Variants in LMCD1 observed in about 807,000 individuals in gnomAD.
LMCD1 encodes the protein LIM and cysteine-rich domains protein 1.
LMCD1 carries 32 observed loss-of-function variants against 42.7 expected under a neutral mutation model. The ratio of observed to expected loss-of-function variants is 0.75; its 90% CI spans 0.57 to 1.01. The LOEUF is 1.01. Among genes scored for constraint, LMCD1 ranks in the 50% least tolerant of loss-of-function variants. The probability of loss-of-function intolerance (pLI) is 0.00; values close to 1 mark genes in which losing one functional copy is unlikely to be tolerated. For missense variants in LMCD1, 458 were observed against 483.1 expected (o/e 0.95, Z 0.49); for synonymous variants, 178 against 184.9 (o/e 0.96, Z 0.30).
intron 1 of LMCD1, among the ~76,000 whole-genome samples, chr3:8,502,337 T>TAA (rs1693758827): frequency 2.7e-3 from 75 of 27,916 alleles, no homozygotes; most frequent in African/African-American, 0.012. Flanking sequence ...ATAATATATA[T>TAA]TATATATAAA....
At chr3:8,558,315 T>C (rs1694964544) in intron 4 of LMCD1, among the ~76,000 whole-genome samples, 1 of 152,234 alleles carries the variant, frequency 6.6e-6, no homozygotes, top group Admixed American at 6.5e-5. Flanking sequence ...AAAATGTTCC[T>C]CAGCTTTCTT....
intron 1 of LMCD1, among the ~76,000 whole-genome samples, chr3:8,531,492 T>A (rs1327343126): frequency 6.6e-6 from 1 of 152,214 alleles, no homozygotes; most frequent in Admixed American, 6.5e-5. Context: ...CGTTACTATA[T>A]TATCTCGGTA....
At chr3:8,502,582 A>G (rs1167248628) in intron 1 of LMCD1, among the ~76,000 whole-genome samples, 1 of 53,868 alleles carries the variant, frequency 1.9e-5, no homozygotes, top group East Asian at 2.3e-4. Context: ...ACACACACAC[A>G]CACACACACA....
At chr3:8,566,365 G>T (rs957406096) in intron 5 of LMCD1, among the ~76,000 whole-genome samples, 2 of 152,066 alleles carry the variant, frequency 1.3e-5, no homozygotes, top group African/African-American at 4.8e-5. Context: ...CTTCATCTTT[G>T]GCATGTATGA....
intron 1 of LMCD1, among the ~76,000 whole-genome samples, chr3:8,528,912 A>T (rs1694352748): frequency 6.6e-6 from 1 of 152,144 alleles, no homozygotes; most frequent in South Asian, 2.1e-4. Flanking sequence ...CAGTTTCACG[A>T]TAATATCAAA....
intron 1 of LMCD1, among the ~76,000 whole-genome samples, chr3:8,525,631 A>G (rs568176234): frequency 2.6e-5 from 4 of 152,280 alleles, no homozygotes; most frequent in African/African-American, 9.6e-5. Flanking sequence ...TAATTTTTTG[A>G]GGAACCTCAT....
chr3:8,568,478 C>A lies in LMCD1; in HGVS notation c.*880C>A, dbSNP rs184454133. ...TGGGAAACCACTGAACAGGGGCCAC[C>A]TAAGCTCCACCAATGGGTGCCACAT... is the stretch of plus-strand genomic sequence containing the variant. On this transcript the variant is annotated 3_prime_UTR_variant, in exon 6 of 6. Coordinates refer to ENST00000157600, the MANE Select transcript of LMCD1 (RefSeq NM_014583.4). 3 of 152,212 alleles carry A rather than the reference C, an allele frequency of 2.0e-5. No individual in the cohort carries two copies. Among genetic ancestry groups the A allele is most frequent in the South Asian group, 2.1e-4 (1 of 4,828 alleles). 9.4% of individuals were successfully genotyped at this position (152,212 alleles called of 1,614,324 possible). A position where few individuals can be genotyped will look rare whatever the true frequency, so the allele number is the denominator to read the frequency against.
At chr3:8,535,114 C>T (rs1236887206) in intron 2 of LMCD1, among the ~76,000 whole-genome samples, 3 of 152,144 alleles carry the variant, frequency 2.0e-5, no homozygotes, top group African/African-American at 7.2e-5. Flanking sequence ...CCATGTCCCT[C>T]TATGCCAGGA....
At chr3:8,512,369 T>C (rs1043628940) in intron 1 of LMCD1, among the ~76,000 whole-genome samples, 4 of 152,234 alleles carry the variant, frequency 2.6e-5, no homozygotes, top group African/African-American at 7.2e-5. Flanking sequence ...GAAACACATA[T>C]GGCTTGGATA....
rs911775868 is a variant in LMCD1, at chr3:8,548,962, T to TCA, written c.723+60_723+61dup. ...ACCATGCAGGCCCAGGGCTGGACAG[T>TCA]CAGGGCCCCATCACGGGGCTTTGTT... On this transcript the variant is annotated intron_variant, in intron 4 of 5. Transcript: ENST00000157600. 120 of 1,296,184 alleles carry TCA rather than the reference T, an allele frequency of 9.3e-5. No homozygotes were observed. In the African/African-American group the frequency reaches 1.7e-3, roughly 18 times the overall value. The allele number at this position is 1,296,184 out of a possible 1,614,324, so 80.3% of individuals were successfully genotyped here.
Position 8,548,671 on chromosome 3 carries a change from A to G in LMCD1, c.491A>G (p.Tyr164Cys). The part of the protein sequence containing the change: ...RRQLMHQLPI[Y>C]DQDPSRCRGL... ...CAGCTCATGCACCAGCTCCCCATCT[A>G]TGACCAGGATCCCTCGCGCTGCCGT... Residue 164 changes from tyrosine (Y) to cysteine (C), a missense_variant, in exon 4 of 6, where the codon TAT becomes TGT. Tyr to Cys is a radical substitution (Grantham distance 194). Transcript: ENST00000157600. 6.2e-7 allele frequency: 1 copy of G among 1,614,180 alleles called. No individual in the cohort carries two copies. Among genetic ancestry groups the G allele is most frequent in the Non-Finnish European group, 8.5e-7 (1 of 1,180,026 alleles).
At chr3:8,548,194 G>A (rs1694773301) in intron 3 of LMCD1, among the ~76,000 whole-genome samples, 1 of 152,160 alleles carries the variant, frequency 6.6e-6, no homozygotes, top group Non-Finnish European at 1.5e-5. Context: ...ATGGCAAAGT[G>A]CGTGCATCTG....
intron 1 of LMCD1, among the ~76,000 whole-genome samples, chr3:8,513,805 TC>T (rs1423595917): frequency 1.3e-5 from 2 of 152,178 alleles, no homozygotes; most frequent in Admixed American, 6.5e-5. Context: ...GAGGCAGTAC[TC>T]AATAAATAAC....
chr3:8,550,827 C>A, intron 4 of LMCD1: 1 of 985,302 alleles, frequency 1.0e-6, no homozygotes, highest in South Asian at 4.7e-5. Context: ...AAGGAGACCT[C>A]TAAGTCACTG....
At chr3:8,553,088 A>T (rs904253731) in intron 4 of LMCD1, among the ~76,000 whole-genome samples, 2 of 152,116 alleles carry the variant, frequency 1.3e-5, no homozygotes, top group Admixed American at 1.3e-4. Flanking sequence ...AGAGCTCTGG[A>T]AGCACAGGTG....
intron 1 of LMCD1, among the ~76,000 whole-genome samples, chr3:8,523,705 A>T (rs1208868770): frequency 6.6e-6 from 1 of 152,226 alleles, no homozygotes; most frequent in African/African-American, 2.4e-5. Flanking sequence ...CATTTGTTTT[A>T]CATTACAACA....
Position 8,501,992 on chromosome 3 carries a change from G to C in LMCD1, c.42+12G>C. On this transcript the variant is annotated intron_variant, in intron 1 of 5. Transcript: ENST00000157600. Reference sequence around the variant, plus strand: ...CAGGAGTTAAAAAGGTGAGTGGAAAGCTGTTTGTATTTACCCAGATTCTTA... The same window carrying C: ...CAGGAGTTAAAAAGGTGAGTGGAAACCTGTTTGTATTTACCCAGATTCTTA... 1 of 1,584,142 alleles carries C rather than the reference G, an allele frequency of 6.3e-7. No individual in the cohort carries two copies. The highest frequency in any genetic ancestry group is 8.6e-7 in the Non-Finnish European group (1 of 1,167,472).
chr3:8,547,599 A>G (rs962763590), intron 3 of LMCD1, among the ~76,000 whole-genome samples: 1 of 152,188 alleles, frequency 6.6e-6, no homozygotes, highest in Non-Finnish European at 1.5e-5. Context: ...ATGTCAAAGA[A>G]TGCACTTACA....
At chr3:8,511,036 C>G (rs1693987798) in intron 1 of LMCD1, among the ~76,000 whole-genome samples, 1 of 152,180 alleles carries the variant, frequency 6.6e-6, no homozygotes, top group South Asian at 2.1e-4. Context: ...TAAACAAACT[C>G]AATTCAAATT....
Sources: gnomAD v4.1 joint callset for allele counts (sites outside exome capture counted in the v4.1 genomes callset) on GRCh38, gnomAD v4.1.1 for gene constraint, MANE v1.5 for transcripts, NCBI Gene and HGNC (gene_info 2026-07-23, HGNC 2026-07-21) for gene names.